The following ST3GAL1 variants were observed in gnomAD, a reference collection of about 807,000 sequenced individuals.
ST3GAL1 encodes the protein ST3 beta-galactoside alpha-2,3-sialyltransferase 1.
Under a neutral mutation model 34.1 loss-of-function variants are expected in ST3GAL1, and 16 were observed. The observed-to-expected ratio is 0.47, with a 90% CI of 0.32 to 0.71. The LOEUF (loss-of-function observed/expected upper bound fraction) is 0.71. Among genes scored for constraint, ST3GAL1 ranks in the 30% least tolerant of loss-of-function variants. ST3GAL1 has a pLI of 0.04. For synonymous variants in ST3GAL1, 191 were observed against 184.7 expected (o/e 1.03, Z -0.28); for missense variants, 353 against 447.4 (o/e 0.79, Z 1.90).
chr8:133,485,234 A>G (rs4484679), intron 3 of ST3GAL1, among the ~76,000 whole-genome samples: 73,204 of 152,080 alleles, frequency 0.48, 17,885 homozygotes, highest in Admixed American at 0.55. Flanking sequence ...CTTTGGAAGT[A>G]GTTGAGATCT....
At chr8:133,483,313 G>A (rs141084525) in intron 3 of ST3GAL1, among the ~76,000 whole-genome samples, 4 of 152,240 alleles carry the variant, frequency 2.6e-5, no homozygotes, top group Non-Finnish European at 4.4e-5. Context: ...CTGCACTCCC[G>A]CCTGGCCGAC....
rs117026511 is a variant in ST3GAL1 at position 133,536,448 on chromosome 8, C to G, written c.-429+9326G>C. The stretch of plus-strand genomic sequence containing the variant: ...CAATCTGTAGGTTGATTTCTGGAAG[C>G]ACATAGAAAATTTCCATCCTTCTGA... On this transcript the variant is annotated intron_variant, in intron 2 of 9. Coordinates refer to ENST00000522652, the MANE Select transcript of ST3GAL1 (RefSeq NM_173344.3). Among the ~76,000 whole-genome samples the G allele has an allele frequency of 5.5e-3, 843 of 152,316 alleles. 3 individuals are homozygous for G. Among genetic ancestry groups the G allele is most frequent in the Non-Finnish European group, 7.7e-3 (524 of 68,028 alleles).
chr8:133,498,032 C>T (rs141705910), intron 3 of ST3GAL1, among the ~76,000 whole-genome samples: 183 of 152,362 alleles, frequency 1.2e-3, no homozygotes, highest in African/African-American at 4.2e-3. Context: ...ACTGCATTCA[C>T]GTTTCTGTCC....
intron 1 of ST3GAL1, among the ~76,000 whole-genome samples, chr8:133,557,316 G>A (rs951832920): frequency 6.6e-6 from 1 of 152,166 alleles, no homozygotes; most frequent in Admixed American, 6.5e-5. Flanking sequence ...TGGCACAATG[G>A]GGTCCTCATA....
chr8:133,539,894 T>G (rs926839567), intron 2 of ST3GAL1, among the ~76,000 whole-genome samples: 6 of 152,274 alleles, frequency 3.9e-5, no homozygotes, highest in Non-Finnish European at 7.4e-5. Context: ...AGACTCTGTC[T>G]CAAAATAAAT....
chr8:133,484,229 A>T (rs1816497570), intron 3 of ST3GAL1, among the ~76,000 whole-genome samples: 2 of 151,982 alleles, frequency 1.3e-5, no homozygotes, highest in African/African-American at 4.8e-5. Context: ...TTGGGTAGGG[A>T]CCTCGTCTAC....
rs34241731 is a variant in ST3GAL1 at position 133,520,773 on chromosome 8, G to GTT, written c.-428-21586_-428-21585dup. Among the ~76,000 whole-genome samples the GTT allele has an allele frequency of 9.2e-4, 121 of 130,872 alleles. 1 individual carries two copies. The highest frequency in any genetic ancestry group is 2.7e-3 in the South Asian group (11 of 4,114). The allele number at this position is 130,872 out of a possible 152,430, so 85.9% of individuals were successfully genotyped here. On this transcript the variant is annotated intron_variant, in intron 2 of 9. Transcript: ENST00000522652. ...ATGTTTATCATGTTATTTTTTGTGG[G>GTT]TTTTTTTTTTTTTTTTTTGACAGAG...
intron 3 of ST3GAL1, among the ~76,000 whole-genome samples, chr8:133,478,586 G>T (rs1312468992): frequency 1.3e-5 from 2 of 152,194 alleles, no homozygotes; most frequent in African/African-American, 2.4e-5. Context: ...TGACCCAGAG[G>T]TCACAGTTGC....
intron 2 of ST3GAL1, among the ~76,000 whole-genome samples, chr8:133,518,855 C>A (rs946180183): frequency 6.6e-6 from 1 of 152,188 alleles, no homozygotes; most frequent in Admixed American, 6.5e-5. Flanking sequence ...GAGATTAAGG[C>A]CCTTGGTTAA....
At chr8:133,473,317 C>G (rs1378912570) in intron 5 of ST3GAL1, among the ~76,000 whole-genome samples, 2 of 152,130 alleles carry the variant, frequency 1.3e-5, no homozygotes, top group Non-Finnish European at 2.9e-5. Context: ...TTCTCTTTTG[C>G]AAAAGTCACC....
intron 1 of ST3GAL1, among the ~76,000 whole-genome samples, chr8:133,550,500 A>T (rs1370207078): frequency 6.6e-6 from 1 of 152,208 alleles, no homozygotes; most frequent in African/African-American, 2.4e-5. Flanking sequence ...GCAGCTGGAC[A>T]GTGGGCAGAG....
chr8:133,514,060 C>T (rs370760652), intron 2 of ST3GAL1, among the ~76,000 whole-genome samples: 1 of 152,134 alleles, frequency 6.6e-6, no homozygotes, highest in Non-Finnish European at 1.5e-5. Flanking sequence ...CTTGCAAAAA[C>T]GATCATCACA....
chr8:133,501,720 AC>A (rs1487344774), intron 2 of ST3GAL1, among the ~76,000 whole-genome samples: 1 of 151,070 alleles, frequency 6.6e-6, no homozygotes, highest in Admixed American at 6.6e-5. Context: ...CTGTGCTCCA[AC>A]CTGGGTGACA....
intron 2 of ST3GAL1, among the ~76,000 whole-genome samples, chr8:133,541,118 T>G (rs188967536): frequency 0.44 from 22,842 of 51,542 alleles, 6,002 homozygotes; most frequent in Middle Eastern, 0.65. Context: ...TATATATATA[T>G]ATAGAGAGAG....
chr8:133,498,940 T>A (rs1432354315), intron 3 of ST3GAL1, among the ~76,000 whole-genome samples, 195 bp downstream of exon 3: 2 of 152,236 alleles, frequency 1.3e-5, no homozygotes, highest in Admixed American at 1.3e-4. Context: ...GATGTTTTTC[T>A]CAAATGCCAC....
intron 2 of ST3GAL1, among the ~76,000 whole-genome samples, chr8:133,541,285 G>A (rs183570206): frequency 4.0e-5 from 6 of 151,718 alleles, no homozygotes; most frequent in African/African-American, 7.3e-5. Flanking sequence ...TGCACATTCT[G>A]CATGTTTGCT....
At chr8:133,529,390 A>G (rs1231882181) in intron 2 of ST3GAL1, among the ~76,000 whole-genome samples, 2 of 152,194 alleles carry the variant, frequency 1.3e-5, no homozygotes, top group Non-Finnish European at 2.9e-5. Flanking sequence ...GCAAATGTAC[A>G]AGGTCGTAAA....
intron 5 of ST3GAL1, among the ~76,000 whole-genome samples, chr8:133,474,296 G>A (rs1320879880): frequency 6.6e-6 from 1 of 152,092 alleles, no homozygotes; most frequent in Non-Finnish European, 1.5e-5. Context: ...CCTGGCTTGA[G>A]TTTGTCTGTT....
chr8:133,465,715 A>G (rs1021275675), intron 6 of ST3GAL1, 179 bp downstream of exon 6: 19 of 603,640 alleles, frequency 3.1e-5, no homozygotes, highest in Admixed American at 2.8e-4. Flanking sequence ...CAATCCTGCA[A>G]TGATGCAGAG....
Sources: gnomAD v4.1 joint callset for allele counts (sites outside exome capture counted in the v4.1 genomes callset) on GRCh38, gnomAD v4.1.1 for gene constraint, MANE v1.5 for transcripts, NCBI Gene and HGNC (gene_info 2026-07-23, HGNC 2026-07-21) for gene names.